DGKI: variants seen among roughly 807,000 people sequenced by gnomAD.
DGKI encodes diacylglycerol kinase iota, also known as DAG kinase iota.
In DGKI, 55 loss-of-function variants were observed where a neutral mutation model predicts 147.5. The observed-to-expected ratio is 0.37, with a 90% confidence interval of 0.30 to 0.47. The LOEUF is 0.47. DGKI is among the 20% of genes least tolerant of loss of function. The probability of loss-of-function intolerance (pLI) is 1.00; values close to 1 mark genes in which losing one functional copy is unlikely to be tolerated. For synonymous variants in DGKI, 469 were observed against 477.1 expected, an observed-to-expected ratio of 0.98 and a Z score of 0.22; for missense variants, 1,007 against 1,323.8, an observed-to-expected ratio of 0.76 and a Z score of 3.71.
chr7:137,807,092 T>G (rs1797399215), intron 1 of DGKI, among the ~76,000 whole-genome samples: 1 of 152,226 alleles, frequency 6.6e-6, no homozygotes, highest in African/African-American at 2.4e-5. Context: ...AGTGATCTGT[T>G]CTGTGTGATT....
intron 1 of DGKI, among the ~76,000 whole-genome samples, chr7:137,726,658 A>G (rs1225163596): frequency 2.0e-5 from 3 of 152,248 alleles, no homozygotes; most frequent in African/African-American, 7.2e-5. Context: ...GGATTCTCCT[A>G]TGAAGCAAAA....
At chr7:137,514,568 C>T (rs1816690132) in intron 21 of DGKI, among the ~76,000 whole-genome samples, 1 of 152,192 alleles carries the variant, frequency 6.6e-6, no homozygotes, top group African/African-American at 2.4e-5. Context: ...CCATAGGCTC[C>T]TCCTTGGTAT....
intron 1 of DGKI, among the ~76,000 whole-genome samples, chr7:137,785,380 G>A (rs1415256359): frequency 6.6e-6 from 1 of 151,680 alleles, no homozygotes; most frequent in Non-Finnish European, 1.5e-5. Flanking sequence ...ATAAATTTCA[G>A]GATAAATTCC....
intron 21 of DGKI, chr7:137,493,713 C>T: frequency 1.4e-6 from 1 of 699,172 alleles, no homozygotes; most frequent in Non-Finnish European, 2.6e-6. Flanking sequence ...GAAGGAAAAT[C>T]AGCCCACAAA....
At position 137,608,939 on chromosome 7, in the gene DGKI, A is replaced by G. The variant is rs376593870; in HGVS notation, c.1167+27T>C. The G allele has an allele frequency of 2.9e-5, 45 of 1,544,540 alleles. No homozygotes were observed. The African/African-American group carries it at 4.9e-4, about 17-fold the overall frequency. On this transcript the variant is annotated intron_variant, in intron 10 of 32. Transcript: ENST00000614521. ...CGTCAAGAAATTATCAAAACTTCTA[A>G]GTTGAAAATCATGAAAAATTACTCA... is the stretch of plus-strand genomic sequence containing the variant.
At chr7:137,619,781 T>C (rs1354399601) in intron 8 of DGKI, 43 bp downstream of exon 8, 1 of 1,496,144 alleles carries the variant, frequency 6.7e-7, no homozygotes. Flanking sequence ...GCAGTTCATT[T>C]TTCTCTGCAC....
At chr7:137,469,768 C>CT (rs1298792655) in intron 23 of DGKI, 149 bp from the exon 24 acceptor site, 2 of 536,386 alleles carry the variant, frequency 3.7e-6, no homozygotes, top group East Asian at 3.1e-5. Context: ...AAGAAGGGCT[C>CT]TTTTTTGAAA....
rs763930434 is a variant in DGKI, at chr7:137,521,930, C to T, written c.2184G>A (p.Val728=). Residue 728 remains valine (V), a synonymous_variant, in exon 21 of 33, where the codon GTG becomes GTA. Coordinates refer to ENST00000614521, the MANE Select transcript of DGKI (RefSeq NM_001321708.2). ...CATAGTCTTGTAAACTGATTTTGTT[C>T]ACCCGGATCCTCAGACGATCTGGGA... ...QSVPDRLRIR[V]NKISLQDYEG... The T allele has an allele frequency of 1.2e-6, 2 of 1,611,840 alleles. No individual in the cohort carries two copies. The highest frequency in any genetic ancestry group is 1.7e-6 in the Non-Finnish European group (2 of 1,178,814).
intron 1 of DGKI, among the ~76,000 whole-genome samples, chr7:137,845,380 C>A (rs922951528): frequency 8.5e-5 from 13 of 152,214 alleles, no homozygotes; most frequent in African/African-American, 2.4e-4. Flanking sequence ...CATGGTGTGA[C>A]AGGCTTAATA....
intron 17 of DGKI, among the ~76,000 whole-genome samples, chr7:137,576,542 C>T (rs969581738): frequency 1.3e-5 from 2 of 152,026 alleles, no homozygotes; most frequent in Non-Finnish European, 2.9e-5. Context: ...TAATGTTTTT[C>T]TTAATACCTA....
chr7:137,508,421 T>A (rs919477044), intron 21 of DGKI, among the ~76,000 whole-genome samples: 7 of 151,848 alleles, frequency 4.6e-5, no homozygotes, highest in Non-Finnish European at 1.0e-4. Flanking sequence ...AGAGACAGGG[T>A]TTCACCGTGT....
intron 1 of DGKI, among the ~76,000 whole-genome samples, chr7:137,698,264 A>G (rs189764458): frequency 1.6e-4 from 25 of 152,212 alleles, no homozygotes; most frequent in Admixed American, 1.4e-3. Flanking sequence ...TTGGGTACCC[A>G]GTATGCATTG....
At chr7:137,619,743 A>T in intron 8 of DGKI, 81 bp downstream of exon 8, 1 of 1,055,736 alleles carries the variant, frequency 9.5e-7, no homozygotes, top group Non-Finnish European at 1.5e-6. Flanking sequence ...GAACCCAAAG[A>T]CTAGTCTGGG....
In DGKI at chr7:137,764,162, C is replaced by A. The variant is rs557629688; in HGVS notation, c.402-74160G>T. On this transcript the variant is annotated intron_variant, in intron 1 of 32. Coordinates refer to ENST00000614521, the MANE Select transcript of DGKI (RefSeq NM_001321708.2). ...AGATGTGAACGGTGTTGCCCTAGGA[C>A]AGATCATATTCCTTAAAGTGCCCCT... Among the ~76,000 whole-genome samples the A allele has an allele frequency of 7.2e-5, 11 of 152,204 alleles. No homozygotes were observed. The South Asian group carries it at 2.3e-3, about 32-fold the overall frequency.
intron 1 of DGKI, among the ~76,000 whole-genome samples, chr7:137,691,896 G>A (rs567227803): frequency 1.4e-5 from 2 of 145,782 alleles, no homozygotes; most frequent in South Asian, 2.3e-4. Context: ...CGATCACATC[G>A]AGCTTGCTGG....
intron 20 of DGKI, among the ~76,000 whole-genome samples, chr7:137,534,172 G>A (rs115050019): frequency 2.0e-5 from 3 of 152,064 alleles, no homozygotes; most frequent in Admixed American, 6.6e-5. Context: ...TGTTTGGAAC[G>A]CTCAAAACGA....
At chr7:137,746,521 G>A (rs1744272627) in intron 1 of DGKI, among the ~76,000 whole-genome samples, 1 of 152,142 alleles carries the variant, frequency 6.6e-6, no homozygotes, top group Admixed American at 6.6e-5. Flanking sequence ...TTTCCCACTG[G>A]CAGCCATCCT....
intron 1 of DGKI, among the ~76,000 whole-genome samples, chr7:137,734,070 C>T (rs1447688063): frequency 6.6e-6 from 1 of 152,116 alleles, no homozygotes; most frequent in African/African-American, 2.4e-5. Context: ...GTGTGGTAGG[C>T]AGTCTCTCAA....
At position 137,408,213 on chromosome 7, in the gene DGKI, T is replaced by C. The variant is rs537008896; in HGVS notation, c.2800-218A>G. Among the ~76,000 whole-genome samples the C allele has an allele frequency of 8.5e-5, 13 of 152,348 alleles. No individual in the cohort carries two copies. In the East Asian group the frequency reaches 2.1e-3, roughly 25 times the overall value. ...TAACTCTGGAGAGAGTCTGTGGGTATTGAACAGGCTAGGGAAACTGAATCA... is the reference window on the plus strand; with the variant it reads ...TAACTCTGGAGAGAGTCTGTGGGTACTGAACAGGCTAGGGAAACTGAATCA... On this transcript the variant is annotated intron_variant, in intron 29 of 32. Transcript: ENST00000614521.
Sources: gnomAD v4.1 joint callset for allele counts (sites outside exome capture counted in the v4.1 genomes callset) on GRCh38, gnomAD v4.1.1 for gene constraint, MANE v1.5 for transcripts, NCBI Gene and HGNC (gene_info 2026-07-23, HGNC 2026-07-21) for gene names.